The following CSMD3 variants were observed in gnomAD, a reference collection of about 807,000 sequenced individuals.
CSMD3 encodes the protein CUB and Sushi multiple domains 3, also known as CUB and sushi domain-containing protein 3.
Under a neutral mutation model 435.2 loss-of-function variants are expected in CSMD3, and 177 were observed. The ratio of observed to expected loss-of-function variants is 0.41; its 90% confidence interval spans 0.36 to 0.46. The LOEUF is 0.46. CSMD3 is among the 20% of genes least tolerant of loss of function. The pLI is 0.34. For synonymous variants in CSMD3, 1,656 were observed against 1,520.5 expected, an observed-to-expected ratio of 1.09 and a Z score of -2.07; for missense variants, 4,265 against 4,504.6, an observed-to-expected ratio of 0.95 and a Z score of 1.52.
intron 1 of CSMD3, among the ~76,000 whole-genome samples, chr8:113,344,097 G>T (rs910447754): frequency 6.6e-6 from 1 of 151,992 alleles, no homozygotes; most frequent in Non-Finnish European, 1.5e-5. Flanking sequence ...TAATCTAGGA[G>T]TGTGAAGAAG....
At chr8:112,709,331 T>C (rs989890883) in intron 13 of CSMD3, among the ~76,000 whole-genome samples, 1 of 152,082 alleles carries the variant, frequency 6.6e-6, no homozygotes, top group African/African-American at 2.4e-5. Flanking sequence ...TGTACACATA[T>C]TTTCTAAAGC....
intron 1 of CSMD3, among the ~76,000 whole-genome samples, chr8:113,384,608 C>T (rs1295949897): frequency 1.3e-5 from 2 of 152,074 alleles, no homozygotes; most frequent in Non-Finnish European, 2.9e-5. Context: ...ACCCAGTTCT[C>T]AAAAAACAGG....
chr8:113,104,531 G>A (rs1588081023), intron 4 of CSMD3, among the ~76,000 whole-genome samples: 1 of 151,996 alleles, frequency 6.6e-6, no homozygotes, highest in Admixed American at 6.6e-5. Flanking sequence ...TGTTTAAAGA[G>A]AAACCCCTTT....
At chr8:112,847,716 G>A (rs575186176) in intron 11 of CSMD3, among the ~76,000 whole-genome samples, 11 of 152,208 alleles carry the variant, frequency 7.2e-5, no homozygotes, top group African/African-American at 1.9e-4. Context: ...AATATTTGGC[G>A]CAAAGAACTA....
chr8:112,509,196 C>A (rs778182666), intron 28 of CSMD3, among the ~76,000 whole-genome samples: 1 of 151,504 alleles, frequency 6.6e-6, no homozygotes, highest in African/African-American at 2.4e-5. Flanking sequence ...CTCAGGTGAT[C>A]CTCCCACCTC....
At chr8:112,393,918 T>C (rs908465863) in intron 35 of CSMD3, among the ~76,000 whole-genome samples, 12 of 151,966 alleles carry the variant, frequency 7.9e-5, no homozygotes, top group Non-Finnish European at 1.5e-5. Flanking sequence ...CTCCTCTTTG[T>C]AACTTTGTCT....
chr8:113,156,934 AAGAG>A (rs58581247), intron 4 of CSMD3, among the ~76,000 whole-genome samples: 165 of 147,792 alleles, frequency 1.1e-3, no homozygotes, highest in South Asian at 4.7e-3. Context: ...TTTGTCTCAA[AAGAG>A]AGAGAGAGAG....
At chr8:112,703,649 G>A (rs191168748) in intron 13 of CSMD3, among the ~76,000 whole-genome samples, 1 of 152,096 alleles carries the variant, frequency 6.6e-6, no homozygotes, top group Non-Finnish European at 1.5e-5. Flanking sequence ...TAGGTTAAAA[G>A]AGAGTGATCT....
At chr8:112,270,343 A>AGG (rs1817355262) in intron 59 of CSMD3, among the ~76,000 whole-genome samples, 1 of 124,232 alleles carries the variant, frequency 8.0e-6, no homozygotes, top group Admixed American at 9.0e-5. Context: ...CAGAGGGGTG[A>AGG]GTGTGTGTGT....
intron 20 of CSMD3, among the ~76,000 whole-genome samples, chr8:112,644,252 A>T (rs1325097830): frequency 6.6e-6 from 1 of 151,918 alleles, no homozygotes; most frequent in African/African-American, 2.4e-5. Context: ...GTATCTTGAT[A>T]AATTTGAAAT....
chr8:113,013,117 G>A (rs532602931), intron 6 of CSMD3, among the ~76,000 whole-genome samples: 2 of 151,960 alleles, frequency 1.3e-5, no homozygotes, highest in East Asian at 3.9e-4. Context: ...TTTTAAGCCT[G>A]GACTATATTT....
chr8:113,429,731 A>C (rs994586053), intron 1 of CSMD3, among the ~76,000 whole-genome samples: 1 of 152,142 alleles, frequency 6.6e-6, no homozygotes, highest in Non-Finnish European at 1.5e-5. Flanking sequence ...ACTTTCTAAT[A>C]AAATTGATAA....
chr8:112,339,384 T>C (rs905743615), intron 42 of CSMD3, among the ~76,000 whole-genome samples: 4 of 152,172 alleles, frequency 2.6e-5, no homozygotes, highest in African/African-American at 9.6e-5. Flanking sequence ...GGGGTGAGCA[T>C]GAAGTGGCCA....
intron 22 of CSMD3, among the ~76,000 whole-genome samples, chr8:112,594,507 T>G (rs376028063): frequency 3.0e-4 from 45 of 152,236 alleles, no homozygotes; most frequent in African/African-American, 8.4e-4. Flanking sequence ...GAACTGGGTG[T>G]AGCCCACCAC....
chr8:113,219,290 T>C (rs1192161194), intron 3 of CSMD3, among the ~76,000 whole-genome samples: 2 of 151,200 alleles, frequency 1.3e-5, no homozygotes, highest in Admixed American at 6.6e-5. Context: ...AGTAAAACTA[T>C]ACCTATCCGC....
chr8:112,913,222 G>T (rs533105606), intron 10 of CSMD3, among the ~76,000 whole-genome samples: 1 of 152,040 alleles, frequency 6.6e-6, no homozygotes, highest in African/African-American at 2.4e-5. Flanking sequence ...CATGGACTCG[G>T]GGGAGGAGTG....
chr8:112,894,054 A>C (rs563327952), intron 10 of CSMD3, among the ~76,000 whole-genome samples: 9 of 151,612 alleles, frequency 5.9e-5, no homozygotes, highest in South Asian at 2.1e-4. Flanking sequence ...TAAAAACCAA[A>C]CAAACAAACA....
intron 13 of CSMD3, among the ~76,000 whole-genome samples, chr8:112,697,142 G>C (rs1229249627): frequency 5.3e-5 from 8 of 152,012 alleles, no homozygotes; most frequent in Middle Eastern, 3.4e-3. Flanking sequence ...CTGTAAACTA[G>C]TTCAACCATT....
intron 1 of CSMD3, among the ~76,000 whole-genome samples, chr8:113,368,268 C>T (rs1233358522): frequency 5.3e-5 from 8 of 152,078 alleles, no homozygotes; most frequent in Non-Finnish European, 8.8e-5. Context: ...GACTCCCATG[C>T]GATGTCAACC....
Sources: gnomAD v4.1 joint callset for allele counts (sites outside exome capture counted in the v4.1 genomes callset) on GRCh38, gnomAD v4.1.1 for gene constraint, MANE v1.5 for transcripts, NCBI Gene and HGNC (gene_info 2026-07-23, HGNC 2026-07-21) for gene names.